The following ANK3 variants were observed in gnomAD, a reference collection of about 807,000 sequenced individuals.
The protein encoded by ANK3 is ankyrin-3.
In ANK3, 57 loss-of-function variants were observed where a neutral mutation model predicts 370.9. The ratio of observed to expected loss-of-function variants is 0.15; its 90% confidence interval spans 0.12 to 0.19. The LOEUF (loss-of-function observed/expected upper bound fraction) is 0.19, where lower values mean the gene tolerates loss of function less well. Among genes scored for constraint, ANK3 ranks in the 10% least tolerant of loss-of-function variants. The pLI is 1.00. For missense variants in ANK3, 4,439 were observed against 5,302.1 expected, an observed-to-expected ratio of 0.84 and a Z score of 5.06; for synonymous variants, 1,929 against 1,946.3, an observed-to-expected ratio of 0.99 and a Z score of 0.23.
At chr10:60,171,894 A>C (rs1222165823) in intron 21 of ANK3, among the ~76,000 whole-genome samples, 1 of 152,206 alleles carries the variant, frequency 6.6e-6, no homozygotes, top group Non-Finnish European at 1.5e-5. Context: ...CAGGAATGAT[A>C]ATGTATCCAT....
chr10:60,359,228 A>C (rs1234911154), intron 1 of ANK3, among the ~76,000 whole-genome samples: 4 of 152,076 alleles, frequency 2.6e-5, no homozygotes, highest in African/African-American at 9.7e-5. Context: ...GTGGTTCATA[A>C]AGACATCTGG....
chr10:60,716,526 A>T (rs1167080431), intron 1 of ANK3, among the ~76,000 whole-genome samples: 1 of 152,152 alleles, frequency 6.6e-6, no homozygotes, highest in Non-Finnish European at 1.5e-5. Flanking sequence ...AAAAAAATTT[A>T]GGCAATTTAA....
intron 2 of ANK3, among the ~76,000 whole-genome samples, chr10:60,462,832 C>T (rs925120366): frequency 6.6e-6 from 1 of 151,886 alleles, no homozygotes; most frequent in Non-Finnish European, 1.5e-5. Context: ...AATGTATAAC[C>T]AAAGCTAAGA....
intron 1 of ANK3, among the ~76,000 whole-genome samples, chr10:60,335,283 C>T (rs2052547029): frequency 6.6e-6 from 1 of 151,852 alleles, no homozygotes; most frequent in African/African-American, 2.4e-5. Context: ...CATTCAATCT[C>T]CAAGCAGCTA....
chr10:60,336,852 GA>G (rs1160130423), intron 1 of ANK3, among the ~76,000 whole-genome samples: 13 of 152,142 alleles, frequency 8.5e-5, no homozygotes, highest in African/African-American at 3.1e-4. Flanking sequence ...TAGACAAAGA[GA>G]AGGACTCGTC....
At chr10:60,191,696 T>C (rs1050544880) in intron 16 of ANK3, among the ~76,000 whole-genome samples, 10 of 152,154 alleles carry the variant, frequency 6.6e-5, no homozygotes, top group African/African-American at 2.4e-4. Context: ...AAAATAGAAC[T>C]ACCTTTGACC....
Position 60,547,426 on chromosome 10 carries a change from G to C in ANK3, c.96+67760C>G, listed in dbSNP as rs114962655. ...TTCTTTTCTTTGTTTTTTTAAGACA[G>C]AGTATCGCTCTGTTGCCCGGCTGGA... On this transcript the variant is annotated intron_variant, in intron 2 of 43. Transcript: ENST00000373827. Among the ~76,000 whole-genome samples, 866 of 151,802 alleles carry C rather than the reference G, an allele frequency of 5.7e-3. 4 individuals carry two copies. Among genetic ancestry groups the C allele is most frequent in the Middle Eastern group, 0.01 (3 of 292 alleles).
chr10:60,359,191 CTACA>C (rs2058244379), intron 1 of ANK3, among the ~76,000 whole-genome samples: 1 of 152,020 alleles, frequency 6.6e-6, no homozygotes, highest in Non-Finnish European at 1.5e-5. Flanking sequence ...CATGCCATGT[CTACA>C]TACATGGTAA....
At chr10:60,299,436 A>G (rs1001635156) in intron 1 of ANK3, among the ~76,000 whole-genome samples, 2 of 152,180 alleles carry the variant, frequency 1.3e-5, no homozygotes, top group Non-Finnish European at 2.9e-5. Context: ...CATTTTTATG[A>G]TGTCTCGTTC....
intron 2 of ANK3, among the ~76,000 whole-genome samples, chr10:60,557,830 C>T (rs966389186): frequency 2.0e-5 from 3 of 152,138 alleles, no homozygotes; most frequent in Non-Finnish European, 2.9e-5. Context: ...CTTTTAAAAA[C>T]GATTTTAAAA....
chr10:60,290,738 C>A (rs941530380), intron 1 of ANK3, among the ~76,000 whole-genome samples: 1 of 152,066 alleles, frequency 6.6e-6, no homozygotes, highest in Non-Finnish European at 1.5e-5. Context: ...CCAGAAAGGC[C>A]CCTGCTGGTG....
intron 7 of ANK3, among the ~76,000 whole-genome samples, chr10:60,247,451 G>T (rs1039181715): frequency 1.3e-5 from 2 of 152,136 alleles, no homozygotes; most frequent in African/African-American, 4.8e-5. Flanking sequence ...ACAGCATTCT[G>T]CAATCAGTCT....
intron 1 of ANK3, among the ~76,000 whole-genome samples, chr10:60,678,364 G>A (rs960334240): frequency 4.6e-5 from 7 of 152,048 alleles, no homozygotes. Context: ...CAATTTAGTG[G>A]GCAAGGTTTC....
chr10:60,156,348 G>T (rs1248181179), intron 23 of ANK3, among the ~76,000 whole-genome samples: 1 of 152,184 alleles, frequency 6.6e-6, no homozygotes, highest in African/African-American at 2.4e-5. Flanking sequence ...ACCCACGCTG[G>T]ACCAGCAGGG....
intron 1 of ANK3, among the ~76,000 whole-genome samples, chr10:60,636,683 A>G (rs1195096393): frequency 2.6e-5 from 4 of 152,218 alleles, no homozygotes; most frequent in Non-Finnish European, 1.5e-5. Flanking sequence ...TGCTTAGATG[A>G]CAAGAAAGAA....
At chr10:60,209,071 T>A (rs1003847641) in intron 9 of ANK3, among the ~76,000 whole-genome samples, 21 of 152,166 alleles carry the variant, frequency 1.4e-4, no homozygotes, top group African/African-American at 5.1e-4. Context: ...TGGCACTCAA[T>A]ATGTTTCCTA....
intron 5 of ANK3, among the ~76,000 whole-genome samples, chr10:60,265,450 T>C (rs775517274): frequency 1.3e-5 from 2 of 152,302 alleles, no homozygotes; most frequent in Non-Finnish European, 2.9e-5. Flanking sequence ...TGCAGTGAAA[T>C]TAACTTGTGG....
At chr10:60,562,205 A>G (rs2077351490) in intron 2 of ANK3, among the ~76,000 whole-genome samples, 1 of 152,244 alleles carries the variant, frequency 6.6e-6, no homozygotes, top group Admixed American at 6.5e-5. Context: ...GAAGTGAAAG[A>G]TGAAAGTTTT....
At chr10:60,586,860 T>A (rs540376004) in intron 2 of ANK3, among the ~76,000 whole-genome samples, 1 of 152,324 alleles carries the variant, frequency 6.6e-6, no homozygotes. Flanking sequence ...AAGTACAGGA[T>A]TCTGAGCCAC....
Sources: allele counts gnomAD v4.1 joint callset (sites outside exome capture counted in the v4.1 genomes callset), GRCh38; gene constraint gnomAD v4.1.1; transcripts MANE v1.5; gene names NCBI Gene and HGNC (gene_info 2026-07-23, HGNC 2026-07-21).